Variants in ATXN2 observed in about 807,000 individuals in gnomAD.
The protein encoded by ATXN2 is ataxin 2.
In ATXN2, 37 loss-of-function variants were observed where a neutral mutation model predicts 138.6. That is an observed-to-expected ratio of 0.27 (90% confidence interval 0.21 to 0.35). ATXN2 has a LOEUF of 0.35. Among genes scored for constraint, ATXN2 ranks in the 10% least tolerant of loss-of-function variants. The pLI, the probability that ATXN2 is intolerant of heterozygous loss-of-function variation, is 1.00. For missense variants in ATXN2, 1,216 were observed against 1,480.3 expected, an observed-to-expected ratio of 0.82 and a Z score of 2.93; for synonymous variants, 549 against 543.7, an observed-to-expected ratio of 1.01 and a Z score of -0.13.
chr12:111,475,344 C>CAAAA (rs772048264), intron 18 of ATXN2, among the ~76,000 whole-genome samples: 2 of 45,976 alleles, frequency 4.4e-5, no homozygotes, highest in African/African-American at 1.2e-4. Context: ...GATTCCATCT[C>CAAAA]AAAAAAAAAA....
At chr12:111,565,770 T>TG (rs1227814937) in intron 1 of ATXN2, among the ~76,000 whole-genome samples, 1 of 152,040 alleles carries the variant, frequency 6.6e-6, no homozygotes, top group East Asian at 1.9e-4. Flanking sequence ...CCAAGGCAGG[T>TG]GGATCACTTG....
chr12:111,526,935 C>A (rs562518296), intron 5 of ATXN2, among the ~76,000 whole-genome samples: 4 of 152,210 alleles, frequency 2.6e-5, no homozygotes, highest in Non-Finnish European at 5.9e-5. Flanking sequence ...TCAGGCCCTA[C>A]AGTATTACCT....
intron 14 of ATXN2, among the ~76,000 whole-genome samples, chr12:111,490,297 AT>A (rs1877939480): frequency 6.6e-6 from 1 of 152,042 alleles, no homozygotes; most frequent in Admixed American, 6.6e-5. Flanking sequence ...TCTATACGGA[AT>A]TTTAAGTAGG....
intron 1 of ATXN2, among the ~76,000 whole-genome samples, chr12:111,595,151 GTCT>G (rs1884872310): frequency 6.6e-6 from 1 of 152,020 alleles, no homozygotes. Context: ...AGTAATACAA[GTCT>G]TCTAAAGAAT....
intron 17 of ATXN2, 109 bp from the exon 18 acceptor site, chr12:111,485,440 T>A: frequency 8.9e-7 from 1 of 1,125,318 alleles, no homozygotes; most frequent in Non-Finnish European, 1.3e-6. Context: ...GAAGGTTTCC[T>A]GATTCTCCAT....
chr12:111,550,961 T>C (rs890834994), intron 5 of ATXN2, among the ~76,000 whole-genome samples: 5 of 152,136 alleles, frequency 3.3e-5, no homozygotes, highest in Non-Finnish European at 7.3e-5. Flanking sequence ...ACAACAGAAT[T>C]ACGTATTTCA....
chr12:111,483,853 G>C (rs1241284783), intron 18 of ATXN2, among the ~76,000 whole-genome samples: 1 of 152,158 alleles, frequency 6.6e-6, no homozygotes, highest in African/African-American at 2.4e-5. Context: ...TGCAGTCACA[G>C]TTCCCTGCAG....
At chr12:111,581,408 C>A in intron 1 of ATXN2, 1 of 720,528 alleles carries the variant, frequency 1.4e-6, no homozygotes, top group Non-Finnish European at 2.6e-6. Flanking sequence ...CCTCTTCACT[C>A]CTGCCAACAT....
intron 14 of ATXN2, among the ~76,000 whole-genome samples, chr12:111,507,856 C>A (rs1260296453): frequency 6.6e-6 from 1 of 152,192 alleles, no homozygotes; most frequent in African/African-American, 2.4e-5. Flanking sequence ...GATCTATGAC[C>A]TTACCCCCAA....
chr12:111,552,464 C>T lies in ATXN2; in HGVS notation c.421-34G>A. The stretch of plus-strand genomic sequence containing the variant: ...AAAAACACAAGTAAGTACTCCAAAC[C>T]TTTACAAAATAAAATTTGTTAGGAA... On this transcript the variant is annotated intron_variant, in intron 4 of 24. Transcript: ENST00000673436. This position sits in a 1 kb window ranked among gnomAD's most constrained non-coding sequence, Gnocchi z 4.1. 6.4e-7 allele frequency: 1 copy of T among 1,569,580 alleles called. No individual in the cohort carries two copies. Among genetic ancestry groups the T allele is most frequent in the Non-Finnish European group, 8.6e-7 (1 of 1,164,518 alleles).
chr12:111,496,893 T>C (rs1260649576), intron 14 of ATXN2, among the ~76,000 whole-genome samples: 3 of 150,464 alleles, frequency 2.0e-5, no homozygotes, highest in Non-Finnish European at 3.0e-5. Context: ...TAAATAAAAT[T>C]GAAATGAAGA....
chr12:111,455,870 A>G (rs1466505398), intron 23 of ATXN2, 159 bp downstream of exon 23: 2 of 748,538 alleles, frequency 2.7e-6, no homozygotes, highest in African/African-American at 1.7e-5. Context: ...CCACACAAAC[A>G]TTCCCTTAGG....
chr12:111,479,120 A>G, intron 18 of ATXN2: 1 of 393,648 alleles, frequency 2.5e-6, no homozygotes, highest in African/African-American at 2.1e-5. Flanking sequence ...AAATAAAAAC[A>G]CAAACACTTG....
In ATXN2 at chr12:111,453,598, C is replaced by T. The variant is rs1874840545; in HGVS notation, c.3439+79G>A. On this transcript the variant is annotated intron_variant, in intron 24 of 24. Transcript: ENST00000673436. The surrounding 1 kb of genome is among the most constrained non-coding windows in gnomAD (Gnocchi z 5.4). The stretch of plus-strand genomic sequence containing the variant: ...GTTCTCAAATGCGGGGCTTGAAGCA[C>T]TGGCCCTGCCTGCCATTCCACCTGT... 3.4e-6 allele frequency: 5 copies of T among 1,465,116 alleles called. No individual in the cohort carries two copies. The South Asian group carries it at 7.1e-5, about 21-fold the overall frequency. 90.8% of individuals were successfully genotyped at this position (1,465,116 alleles called of 1,614,324 possible). A position where few individuals can be genotyped will look rare whatever the true frequency, so the allele number is the denominator to read the frequency against.
At chr12:111,572,443 T>C (rs550123121) in intron 1 of ATXN2, among the ~76,000 whole-genome samples, 2 of 151,960 alleles carry the variant, frequency 1.3e-5, no homozygotes, top group Admixed American at 6.6e-5. Flanking sequence ...TTTACGAAGT[T>C]TGACAGGCCT....
intron 10 of ATXN2, among the ~76,000 whole-genome samples, chr12:111,515,815 T>C (rs1879822603): frequency 1.3e-5 from 2 of 152,214 alleles, no homozygotes; most frequent in African/African-American, 4.8e-5. Context: ...AGTTCAAGAC[T>C]GGCTGAAGAA....
At chr12:111,539,525 A>G (rs527588183) in intron 5 of ATXN2, among the ~76,000 whole-genome samples, 36 of 150,446 alleles carry the variant, frequency 2.4e-4, no homozygotes, top group African/African-American at 8.7e-4. Flanking sequence ...AGGCGGATGG[A>G]TCACGAGGTC....
intron 5 of ATXN2, among the ~76,000 whole-genome samples, chr12:111,534,343 G>C (rs188227086): frequency 6.6e-6 from 1 of 152,102 alleles, no homozygotes; most frequent in African/African-American, 2.4e-5. Flanking sequence ...GGAGGTTGCG[G>C]TGAGCCAAGA....
chr12:111,588,062 CA>C (rs1566083436), intron 1 of ATXN2, among the ~76,000 whole-genome samples: 1 of 151,894 alleles, frequency 6.6e-6, no homozygotes, highest in Non-Finnish European at 1.5e-5. Flanking sequence ...TGGGGCGCAC[CA>C]GTAGTTCCAA....
Sources: gnomAD v4.1 joint callset for allele counts (sites outside exome capture counted in the v4.1 genomes callset) on GRCh38, gnomAD v4.1.1 for gene constraint, Gnocchi (gnomAD v3.1) non-coding constraint, MANE v1.5 for transcripts, NCBI Gene and HGNC (gene_info 2026-07-23, HGNC 2026-07-21) for gene names.